Variants in LTB4R2 observed in about 807,000 individuals in gnomAD.
LTB4R2 encodes leukotriene B4 receptor 2.
Under a neutral mutation model 5.3 loss-of-function variants are expected in LTB4R2, and 6 were observed. That is an observed-to-expected ratio of 1.14 (90% confidence interval 0.62 to 2.24). The LOEUF (loss-of-function observed/expected upper bound fraction) is 2.24. Ranked by LOEUF, LTB4R2 falls within the 30% of genes most tolerant of loss-of-function variation. The probability of loss-of-function intolerance (pLI) is 0.00; values close to 1 mark genes in which losing one functional copy is unlikely to be tolerated. For missense variants in LTB4R2, 560 were observed against 521.5 expected, an observed-to-expected ratio of 1.07 and a Z score of -0.72; for synonymous variants, 310 against 264.2, an observed-to-expected ratio of 1.17 and a Z score of -1.68.
chr14:24,311,272 T>C lies in LTB4R2; in HGVS notation c.608T>C (p.Val203Ala). 6.3e-7 allele frequency: 1 copy of C among 1,599,362 alleles called. No individual in the cohort carries two copies. The highest frequency in any genetic ancestry group is 8.5e-7 in the Non-Finnish European group (1 of 1,173,114). Residue 203 changes from valine (V) to alanine (A), a missense_variant, in exon 2 of 2, where the codon GTG (valine) becomes GCG (alanine). Coordinates refer to ENST00000533293, the MANE Select transcript of LTB4R2 (RefSeq NM_019839.5). Reference protein sequence around the residue: ...PFGLMLGCYSVTLARLRGARW... With the variant: ...PFGLMLGCYSATLARLRGARW... ...GGGCTGATGCTCGGCTGCTACAGCGTGACGCTGGCACGGCTGCGGGGCGCC... is the reference window on the plus strand; with the variant it reads ...GGGCTGATGCTCGGCTGCTACAGCGCGACGCTGGCACGGCTGCGGGGCGCC...
intron 1 of LTB4R2, 98 bp downstream of exon 1, chr14:24,310,353 G>A (rs1282078629): frequency 4.9e-6 from 3 of 606,600 alleles, no homozygotes; most frequent in Non-Finnish European, 8.8e-6. Flanking sequence ...CCAGACTAGA[G>A]GAGTGGTGGT....
Position 24,310,381 on chromosome 14 carries a change from G to A in LTB4R2, c.-11+126G>A. 3 of 614,700 alleles carry A rather than the reference G, an allele frequency of 4.9e-6. No individual in the cohort carries two copies. In the South Asian group the frequency reaches 5.7e-5, roughly 12 times the overall value. 38.1% of individuals were successfully genotyped at this position (614,700 alleles called of 1,614,324 possible). A position where few individuals can be genotyped will look rare whatever the true frequency, so the allele number is the denominator to read the frequency against. ...GTGGTGGTAGAGATAGTGACAGCCT[G>A]GGGTGATGACTTTATGCCTGTTTAC... On this transcript the variant is annotated intron_variant, in intron 1 of 1. Transcript: ENST00000533293.
At position 24,310,940 on chromosome 14, in the gene LTB4R2, G is replaced by T; in HGVS notation, c.276G>T (p.Ala92=). Residue 92 remains alanine, a synonymous_variant, in exon 2 of 2, where the codon GCG becomes GCT. Coordinates refer to ENST00000533293, the MANE Select transcript of LTB4R2 (RefSeq NM_019839.5). ...LTRQAWPLGQ[A]GCKAVYYVCA... ...GGCAGGCCTGGCCGCTGGGCCAGGC[G>T]GGCTGCAAGGCGGTGTACTACGTGT... 2 of 1,591,322 alleles carry T rather than the reference G, an allele frequency of 1.3e-6. No homozygotes were observed. Among genetic ancestry groups the T allele is most frequent in the Non-Finnish European group, 1.7e-6 (2 of 1,176,708 alleles).
intron 1 of LTB4R2, 42 bp downstream of exon 1, chr14:24,310,297 G>A (rs2041647223): frequency 1.7e-6 from 1 of 585,674 alleles, no homozygotes; most frequent in South Asian, 2.1e-5. Flanking sequence ...CCACCATCCA[G>A]TTTTGCCCAG....
At chr14:24,310,349 T>TAG in intron 1 of LTB4R2, 94 bp downstream of exon 1, 1 of 605,718 alleles carries the variant, frequency 1.7e-6, no homozygotes, top group Non-Finnish European at 2.9e-6. Context: ...GGGGCCAGAC[T>TAG]AGAGGAGTGG....
In LTB4R2 at chr14:24,311,019, C is replaced by T. The variant is rs745503054; in HGVS notation, c.355C>T (p.Arg119Cys). Residue 119 changes from arginine (R) to cysteine (C), a missense_variant, in exon 2 of 2, where the codon CGC (arginine) becomes TGC (cysteine). Physicochemically the swap from Arg to Cys is radical, Grantham distance 180. Coordinates refer to ENST00000533293, the MANE Select transcript of LTB4R2 (RefSeq NM_019839.5). Reference protein sequence around the residue: ...VLLTGLLSLQRCLAVTRPFLA... With the variant: ...VLLTGLLSLQCCLAVTRPFLA... ...GCTCACCGGCCTGCTCAGCCTGCAG[C>T]GCTGCCTCGCAGTCACCCGCCCCTT... 9 of 1,584,516 alleles carry T rather than the reference C, an allele frequency of 5.7e-6. No homozygotes were observed. The South Asian group carries it at 1.0e-4, about 18-fold the overall frequency.
chr14:24,311,723 T>C lies in LTB4R2; in HGVS notation c.1059T>C (p.Gly353=), dbSNP rs778654165. The part of the protein sequence containing the change: ...GDPGGGMEKD[G]PEWDL ...CGGGGGGTGGGATGGAGAAGGACGG[T>C]CCGGAATGGGACCTTTGACAGCAGA... Residue 353 remains glycine, a synonymous_variant, in exon 2 of 2, where the codon GGT becomes GGC. Transcript: ENST00000533293. 6.3e-7 allele frequency: 1 copy of C among 1,591,472 alleles called. No individual in the cohort carries two copies.
At position 24,310,675 on chromosome 14, in the gene LTB4R2, G is replaced by A. The variant is rs1329778937; in HGVS notation, c.11G>A (p.Cys4Tyr). Residue 4 changes from cysteine (C) to tyrosine (Y), a missense_variant, in exon 2 of 2, where the codon TGC (cysteine) becomes TAC (tyrosine). Physicochemically the swap from Cys to Tyr is radical, Grantham distance 194. Transcript: ENST00000533293. MSV[C>Y]YRPPGNETLL... is the part of the protein sequence containing the mutation. ...TGTAGGCCCAGAAGGATGTCGGTCT[G>A]CTACCGTCCCCCAGGGAACGAGACA... 11 of 1,613,930 alleles carry A rather than the reference G, an allele frequency of 6.8e-6. No individual in the cohort carries two copies. The highest frequency in any genetic ancestry group is 4.5e-5 in the East Asian group (2 of 44,898).
At position 24,311,298 on chromosome 14, in the gene LTB4R2, C is replaced by T. The variant is rs760236875; in HGVS notation, c.634C>T (p.Arg212Cys). 6.9e-6 allele frequency: 11 copies of T among 1,590,700 alleles called. No individual in the cohort carries two copies. In the South Asian group the frequency reaches 7.9e-5, roughly 11 times the overall value. Residue 212 changes from arginine to cysteine, a missense_variant, in exon 2 of 2, where the codon CGC becomes TGC. Arg to Cys is a radical substitution (Grantham distance 180). Coordinates refer to ENST00000533293, the MANE Select transcript of LTB4R2 (RefSeq NM_019839.5). ...SVTLARLRGA[R>C]WGSGRHGARV... ...GACGCTGGCACGGCTGCGGGGCGCC[C>T]GCTGGGGCTCCGGGCGGCACGGGGC...
chr14:24,310,626 C>A, intron 1 of LTB4R2, 29 bp from the exon 2 acceptor site: 1 of 1,610,138 alleles, frequency 6.2e-7, no homozygotes, highest in Non-Finnish European at 8.5e-7. Flanking sequence ...CCCTGAACGC[C>A]CTCTGTGGCG....
Position 24,310,565 on chromosome 14 carries a change from A to G in LTB4R2, c.-10-90A>G, listed in dbSNP as rs74677590. 1.2e-3 allele frequency: 1,577 copies of G among 1,269,294 alleles called. 2 individuals carry two copies. The highest frequency in any genetic ancestry group is 1.5e-3 in the Non-Finnish European group (1,285 of 868,882). The allele number at this position is 1,269,294 out of a possible 1,614,324, so 78.6% of individuals were successfully genotyped here. On this transcript the variant is annotated intron_variant, in intron 1 of 1. Coordinates refer to ENST00000533293, the MANE Select transcript of LTB4R2 (RefSeq NM_019839.5). ...AGAGGCAGGCTGCAGGGAAGTAAGG[A>G]GGAGGCATGGCACCTTCTCATCGGG...
chr14:24,311,060 G>T lies in LTB4R2; in HGVS notation c.396G>T (p.Leu132=). The change falls in exon 2 of 2, where the codon CTG becomes CTT. Residue 132 remains leucine, a synonymous_variant. Transcript: ENST00000533293. ...CCCGCCCCTTCCTGGCGCCTCGGCT[G>T]CGCAGCCCGGCCCTGGCCCGCCGCC... ...AVTRPFLAPR[L]RSPALARRLL... is the part of the protein sequence containing the mutation. The T allele has an allele frequency of 6.4e-7, 1 of 1,566,480 alleles. No individual in the cohort carries two copies. Among genetic ancestry groups the T allele is most frequent in the Non-Finnish European group, 8.6e-7 (1 of 1,165,600 alleles).
chr14:24,310,274 G>A lies in LTB4R2; in HGVS notation c.-11+19G>A, dbSNP rs374472338. ...CAGCTTGGTAAGTAGATCTGTGCACGTCCCTTTACACCCCACCATCCAGTT... is the reference window on the plus strand; with the variant it reads ...CAGCTTGGTAAGTAGATCTGTGCACATCCCTTTACACCCCACCATCCAGTT... On this transcript the variant is annotated intron_variant, in intron 1 of 1. Transcript: ENST00000533293. 1.1e-5 allele frequency: 6 copies of A among 561,566 alleles called. No homozygotes were observed. The highest frequency in any genetic ancestry group is 4.7e-4 in the Middle Eastern group (1 of 2,150). The allele number at this position is 561,566 out of a possible 1,614,324, so 34.8% of individuals were successfully genotyped here.
In LTB4R2 at chr14:24,310,194, C is replaced by T. The variant is rs75201478; in HGVS notation, c.-72C>T. The T allele has an allele frequency of 4.2e-3, 1,594 of 377,706 alleles. 33 individuals carry two copies. The highest frequency in any genetic ancestry group is 0.031 in the African/African-American group (1,474 of 47,900). 23.4% of individuals were successfully genotyped at this position (377,706 alleles called of 1,614,324 possible). A position where few individuals can be genotyped will look rare whatever the true frequency, so the allele number is the denominator to read the frequency against. Reference sequence around the variant, plus strand: ...AGGCACAGGACAGGAGTAGGCACCTCGCCTACTGCTGCTTAACCTTTCAGC... The same window carrying T: ...AGGCACAGGACAGGAGTAGGCACCTTGCCTACTGCTGCTTAACCTTTCAGC... On this transcript the variant is annotated 5_prime_UTR_variant, in exon 1 of 2. Transcript: ENST00000533293.
rs1485850971 is a variant in LTB4R2 at position 24,311,747 on chromosome 14, G to C, written c.*6G>C. 1.9e-6 allele frequency: 3 copies of C among 1,564,340 alleles called. No individual in the cohort carries two copies. The highest frequency in any genetic ancestry group is 1.2e-5 in the South Asian group (1 of 84,220). ...GTCCGGAATGGGACCTTTGACAGCA[G>C]ACCCTACAACCTGCTGCCCTTCCCT... On this transcript the variant is annotated 3_prime_UTR_variant, in exon 2 of 2. Transcript: ENST00000533293.
chr14:24,311,826 G>T lies in LTB4R2; in HGVS notation c.*85G>T. The stretch of plus-strand genomic sequence containing the variant: ...AGAGGTCAGTGTTCTGGGACATTTG[G>T]GGACCCTTCTTTGACTAGAGTTTGG... On this transcript the variant is annotated 3_prime_UTR_variant, in exon 2 of 2. Coordinates refer to ENST00000533293, the MANE Select transcript of LTB4R2 (RefSeq NM_019839.5). The T allele has an allele frequency of 7.9e-7, 1 of 1,260,256 alleles. No homozygotes were observed. Among genetic ancestry groups the T allele is most frequent in the South Asian group, 1.5e-5 (1 of 65,134 alleles). The allele number at this position is 1,260,256 out of a possible 1,614,324, so 78.1% of individuals were successfully genotyped here.
At position 24,310,903 on chromosome 14, in the gene LTB4R2, C is replaced by A. The variant is rs758414574; in HGVS notation, c.239C>A (p.Ala80Asp). 1 of 1,592,876 alleles carries A rather than the reference C, an allele frequency of 6.3e-7. No individual in the cohort carries two copies. The highest frequency in any genetic ancestry group is 1.7e-5 in the Admixed American group (1 of 59,040). The change falls in exon 2 of 2, where the codon GCC becomes GAC. Residue 80 changes from alanine to aspartate, a missense_variant. Physicochemically the swap from Ala to Asp is moderately radical, Grantham distance 126. Coordinates refer to ENST00000533293, the MANE Select transcript of LTB4R2 (RefSeq NM_019839.5). The stretch of plus-strand genomic sequence containing the variant: ...CTGCTGCTCACGCCGCTCTTTGTGG[C>A]CTTCCTGACCCGGCAGGCCTGGCCG... ...AVLLLTPLFV[A>D]FLTRQAWPLG...
At position 24,311,045 on chromosome 14, in the gene LTB4R2, C is replaced by G. The variant is rs1216984404; in HGVS notation, c.381C>G (p.Phe127Leu). The change falls in exon 2 of 2, where the codon TTC (phenylalanine) becomes TTG (leucine). Residue 127 changes from phenylalanine to leucine, a missense_variant. Physicochemically the swap from Phe to Leu is conservative, Grantham distance 22. Transcript: ENST00000533293. ...GCTGCCTCGCAGTCACCCGCCCCTT[C>G]CTGGCGCCTCGGCTGCGCAGCCCGG... ...LQRCLAVTRP[F>L]LAPRLRSPAL... 6.3e-7 allele frequency: 1 copy of G among 1,576,894 alleles called. No homozygotes were observed.
At position 24,310,754 on chromosome 14, in the gene LTB4R2, G is replaced by C. The variant is rs753012005; in HGVS notation, c.90G>C (p.Ala30=). 1 of 1,610,334 alleles carries C rather than the reference G, an allele frequency of 6.2e-7. No individual in the cohort carries two copies. Among genetic ancestry groups the C allele is most frequent in the East Asian group, 2.2e-5 (1 of 44,868 alleles). Residue 30 remains alanine (A), a synonymous_variant, in exon 2 of 2, where the codon GCG becomes GCC. Coordinates refer to ENST00000533293, the MANE Select transcript of LTB4R2 (RefSeq NM_019839.5). ...RATGTAFLLL[A]ALLGLPGNGF... is the part of the protein sequence containing the mutation. The stretch of plus-strand genomic sequence containing the variant: ...CAGGCACAGCCTTCCTGCTGCTGGC[G>C]GCGCTGCTGGGGCTGCCTGGCAACG...
Sources: gnomAD v4.1 joint callset for allele counts on GRCh38, gnomAD v4.1.1 for gene constraint, MANE v1.5 for transcripts, NCBI Gene and HGNC (gene_info 2026-07-23, HGNC 2026-07-21) for gene names.